SPON2: variants seen among roughly 807,000 people sequenced by gnomAD.
SPON2 encodes the protein spondin 2.
SPON2 carries 32 observed loss-of-function variants against 29.9 expected under a neutral mutation model. The observed-to-expected ratio is 1.07, with a 90% CI of 0.81 to 1.44. The LOEUF is 1.44. Ranked by LOEUF, SPON2 falls within the 40% of genes most tolerant of loss-of-function variation. SPON2 has a pLI of 0.00. For missense variants in SPON2, 541 were observed against 455.5 expected (o/e 1.19, Z -1.71); for synonymous variants, 248 against 209.1 (o/e 1.19, Z -1.61).
intron 1 of SPON2, among the ~76,000 whole-genome samples, chr4:1,192,576 G>A (rs1197096393): frequency 6.6e-6 from 1 of 152,176 alleles, no homozygotes; most frequent in African/African-American, 2.4e-5. Flanking sequence ...AGGGCAGCGG[G>A]AGCAGCACAG....
At chr4:1,171,791 G>A in intron 2 of SPON2, 61 bp downstream of exon 2, 1 of 1,132,848 alleles carries the variant, frequency 8.8e-7, no homozygotes, top group Admixed American at 1.7e-5. Flanking sequence ...CAGCTGTGCG[G>A]GGGGCTCCGG....
intron 5 of SPON2, among the ~76,000 whole-genome samples, chr4:1,169,284 G>A (rs550424183): frequency 5.3e-5 from 8 of 152,166 alleles, no homozygotes; most frequent in African/African-American, 1.4e-4. Flanking sequence ...GTGCTGGCAC[G>A]TCTGCCTGTT....
At chr4:1,171,234 A>C (rs1008050556) in intron 3 of SPON2, 29 bp downstream of exon 3, 20 of 1,430,294 alleles carry the variant, frequency 1.4e-5, no homozygotes, top group Admixed American at 3.1e-5. Context: ...GGCCCCCCGG[A>C]CCCCGCCCCC....
rs545241717 is a variant in SPON2 at position 1,200,907 on chromosome 4, C to T, written c.-234+6973G>A. 8 of 456,686 alleles carry T rather than the reference C, an allele frequency of 1.8e-5. No homozygotes were observed. The East Asian group carries it at 4.9e-4, about 28-fold the overall frequency. The allele number at this position is 456,686 out of a possible 1,614,324, so 28.3% of individuals were successfully genotyped here. ...ACCACTGACTGAGCACCACGTGGTG[C>T]CTCTGCCCTGGATGTGGGCACCCCC... On this transcript the variant is annotated intron_variant, in intron 1 of 3. Transcript: ENST00000509233.
chr4:1,171,207 T>G lies in SPON2; in HGVS notation c.445-17A>C. 2 of 1,476,290 alleles carry G rather than the reference T, an allele frequency of 1.4e-6. No homozygotes were observed. Among genetic ancestry groups the G allele is most frequent in the South Asian group, 2.7e-5 (2 of 74,528 alleles). 91.4% of individuals were successfully genotyped at this position (1,476,290 alleles called of 1,614,324 possible). ...AAACGAGACCTGCGGCGACAGCGGC[T>G]CAGCGCGCCTGGCCCCGGCCCCCCG... is the stretch of plus-strand genomic sequence containing the variant. On this transcript the variant is annotated splice_polypyrimidine_tract_variant and intron_variant, in intron 3 of 5. Coordinates refer to ENST00000290902, the MANE Select transcript of SPON2 (RefSeq NM_012445.4).
intron 1 of SPON2, chr4:1,179,564 A>G (rs1727669651): frequency 1.3e-5 from 2 of 152,198 alleles, no homozygotes; most frequent in South Asian, 4.1e-4. Context: ...GTCAGAATAC[A>G]TTTTAAGTAC....
At chr4:1,176,639 ACATT>A (rs1475270293), upstream of SPON2, among the ~76,000 whole-genome samples, 1 of 151,846 alleles carries the variant, frequency 6.6e-6, no homozygotes, top group African/African-American at 2.4e-5. Flanking sequence ...TCCACACAGT[ACATT>A]CATTCACTAA....
chr4:1,171,404 G>C lies in SPON2; in HGVS notation c.303C>G (p.Gly101=). The C allele has an allele frequency of 6.2e-7, 1 of 1,612,302 alleles. No homozygotes were observed. The highest frequency in any genetic ancestry group is 1.1e-5 in the South Asian group (1 of 91,086). Residue 101 remains glycine (G), a synonymous_variant, in exon 3 of 6, where the codon GGC becomes GGG. Transcript: ENST00000290902. ...SNGLRDFAER[G]EAWALMKEIE... is the part of the protein sequence containing the mutation. Reference sequence around the variant, plus strand: ...TCTCCTTCATCAGCGCCCAGGCCTCGCCGCGCTCCGCAAAGTCGCGCAGCC... The same window carrying C: ...TCTCCTTCATCAGCGCCCAGGCCTCCCCGCGCTCCGCAAAGTCGCGCAGCC...
chr4:1,204,114 C>T (rs1346802715), intron 1 of SPON2, among the ~76,000 whole-genome samples: 1 of 152,212 alleles, frequency 6.6e-6, no homozygotes, highest in Non-Finnish European at 1.5e-5. Context: ...TCAAATGGTC[C>T]CCCCAGCTTG....
chr4:1,180,253 G>C (rs531877655), intron 1 of SPON2, among the ~76,000 whole-genome samples: 1 of 152,268 alleles, frequency 6.6e-6, no homozygotes, highest in Non-Finnish European at 1.5e-5. Flanking sequence ...GACTGGTTCT[G>C]GGCCTTTAAG....
chr4:1,176,757 ACT>A (rs1727608806), upstream of SPON2, among the ~76,000 whole-genome samples: 1 of 151,824 alleles, frequency 6.6e-6, no homozygotes, highest in South Asian at 2.1e-4. Context: ...GCACTAATTC[ACT>A]CACACAGTAC....
At chr4:1,193,433 C>T (rs183049041) in intron 1 of SPON2, among the ~76,000 whole-genome samples, 1 of 151,674 alleles carries the variant, frequency 6.6e-6, no homozygotes, top group Admixed American at 6.5e-5. Context: ...TGGGCCCCAC[C>T]CTGGGGCTGG....
intron 1 of SPON2, among the ~76,000 whole-genome samples, chr4:1,194,761 C>G (rs1035424142): frequency 6.6e-6 from 1 of 152,092 alleles, no homozygotes; most frequent in Middle Eastern, 3.2e-3. Context: ...AAGTCTGGCC[C>G]GGGGCCAGAG....
At chr4:1,186,025 A>G (rs1341976006) in intron 1 of SPON2, among the ~76,000 whole-genome samples, 7 of 150,192 alleles carry the variant, frequency 4.7e-5, no homozygotes, top group African/African-American at 1.2e-4. Flanking sequence ...CGGGCGGATC[A>G]CGAGGTCAGG....
intron 5 of SPON2, among the ~76,000 whole-genome samples, chr4:1,168,717 G>A (rs1365844256): frequency 6.6e-6 from 1 of 152,234 alleles, no homozygotes; most frequent in Non-Finnish European, 1.5e-5. Context: ...GCTGCAATGA[G>A]GAGTCAGTGA....
chr4:1,185,761 TAACTC>T (rs1190993409), intron 1 of SPON2, among the ~76,000 whole-genome samples: 2 of 149,366 alleles, frequency 1.3e-5, no homozygotes, highest in Non-Finnish European at 3.0e-5. Context: ...ATGCAAAAAT[TAACTC>T]AAAACTGATT....
intron 5 of SPON2, 52 bp downstream of exon 5, chr4:1,170,336 TTGGTGGTCGCCCTG>T: frequency 6.7e-7 from 1 of 1,500,862 alleles, no homozygotes; most frequent in African/African-American, 1.4e-5. Flanking sequence ...AGGTTCGGGT[TTGGTGGTCGCCCTG>T]TGGCAGGGTT....
intron 1 of SPON2, among the ~76,000 whole-genome samples, chr4:1,194,398 C>T (rs1472163364): frequency 6.6e-6 from 1 of 152,140 alleles, no homozygotes; most frequent in East Asian, 1.9e-4. Flanking sequence ...GACCAGCCCC[C>T]GGGGGACAGC....
rs1002896182 is a variant in SPON2 at position 1,167,527 on chromosome 4, C to T, written c.941G>A (p.Ser314Asn). ...CTCTTCTTCGAGCTCGGGGCAGGGG[C>T]TCCCGTTGTTGGCGGGCTGGACCCG... ...YVRVQPANNGSPCPELEEEAE... is the reference protein window; with the variant it reads ...YVRVQPANNGNPCPELEEEAE... The change falls in exon 6 of 6, where the codon AGC (serine) becomes AAC (asparagine). Residue 314 changes from serine (S) to asparagine (N), a missense_variant. Ser to Asn is a conservative substitution (Grantham distance 46, BLOSUM62 1). Transcript: ENST00000290902. 6.2e-7 allele frequency: 1 copy of T among 1,613,732 alleles called. No homozygotes were observed. The highest frequency in any genetic ancestry group is 1.3e-5 in the African/African-American group (1 of 74,942).
Sources: gnomAD v4.1 joint callset for allele counts (sites outside exome capture counted in the v4.1 genomes callset) on GRCh38, gnomAD v4.1.1 for gene constraint, MANE v1.5 for transcripts, NCBI Gene and HGNC (gene_info 2026-07-23, HGNC 2026-07-21) for gene names.